B4GALT1: variants seen among roughly 807,000 people sequenced by gnomAD.
B4GALT1 encodes the protein N-acetyllactosamine synthase.
Under a neutral mutation model 34.9 loss-of-function variants are expected in B4GALT1, and 16 were observed. The observed-to-expected ratio is 0.46, with a 90% CI of 0.31 to 0.70. The LOEUF (loss-of-function observed/expected upper bound fraction) is 0.70, where lower values mean the gene tolerates loss of function less well. Ranked by LOEUF, B4GALT1 falls within the 30% of genes least tolerant of loss-of-function variation. B4GALT1 has a pLI of 0.05. For synonymous variants in B4GALT1, 221 were observed against 218.1 expected (o/e 1.01, Z -0.12); for missense variants, 445 against 530.5 (o/e 0.84, Z 1.58).
At chr9:33,134,541 T>C (rs1840239380) in intron 2 of B4GALT1, among the ~76,000 whole-genome samples, 1 of 152,256 alleles carries the variant, frequency 6.6e-6, no homozygotes, top group Admixed American at 6.5e-5. Flanking sequence ...TGATTCTCCA[T>C]GCCATGGTGA....
chr9:33,150,767 A>G (rs577948680), intron 1 of B4GALT1, among the ~76,000 whole-genome samples: 2 of 152,382 alleles, frequency 1.3e-5, no homozygotes, highest in Admixed American at 1.3e-4. Context: ...GAATACATCT[A>G]TGTATAAAGC....
chr9:33,183,748 A>G, the B4GALT1 span, among the ~76,000 whole-genome samples: 1 of 151,684 alleles, frequency 6.6e-6, no homozygotes, highest in Non-Finnish European at 1.5e-5. Context: ...TAACCTGCAC[A>G]ATGTGCACAT....
the B4GALT1 span, among the ~76,000 whole-genome samples, chr9:33,178,413 T>C: frequency 1.8e-4 from 28 of 152,298 alleles, no homozygotes; most frequent in African/African-American, 6.5e-4. Flanking sequence ...ACTTCACAAA[T>C]TGATAAGAGA....
the B4GALT1 span, among the ~76,000 whole-genome samples, chr9:33,181,110 T>A: frequency 6.6e-6 from 1 of 152,124 alleles, no homozygotes; most frequent in South Asian, 2.1e-4. Flanking sequence ...AATCTCCACT[T>A]CCTTTACATC....
chr9:33,166,932 C>G lies in B4GALT1; in HGVS notation c.238G>C (p.Gly80Arg). 6.4e-7 allele frequency: 1 copy of G among 1,571,130 alleles called. No homozygotes were observed. The highest frequency in any genetic ancestry group is 8.6e-7 in the Non-Finnish European group (1 of 1,165,612). The change falls in exon 1 of 6, where the codon GGA becomes CGA. Residue 80 changes from glycine to arginine, a missense_variant. Physicochemically the swap from Gly to Arg is moderately radical, Grantham distance 125. Transcript: ENST00000379731. ...AGAGGAGGCGGCGGCCGGGCCCCTC[C>G]GGTCCGGAGCTCCCCGGAGGACTGC... ...IGQSSGELRT[G>R]GARPPPPLGA... is the part of the protein sequence containing the mutation.
chr9:33,127,928 G>T (rs891143521), intron 2 of B4GALT1, among the ~76,000 whole-genome samples: 1 of 152,184 alleles, frequency 6.6e-6, no homozygotes, highest in Non-Finnish European at 1.5e-5. Flanking sequence ...GTCTTGCCTA[G>T]GAGACCCCAG....
chr9:33,121,526 CT>C (rs35406954), intron 2 of B4GALT1, among the ~76,000 whole-genome samples: 15,023 of 130,530 alleles, frequency 0.12, 847 homozygotes, highest in African/African-American at 0.17. Flanking sequence ...CCATGCCCGG[CT>C]TTTTTTTTTT....
intron 1 of B4GALT1, among the ~76,000 whole-genome samples, chr9:33,143,528 T>A (rs769274619): frequency 3.9e-5 from 6 of 152,238 alleles, no homozygotes; most frequent in Non-Finnish European, 7.3e-5. Flanking sequence ...GCAAGAAGAA[T>A]CATCTGCAGA....
chr9:33,127,030 C>T (rs568160436), intron 2 of B4GALT1, among the ~76,000 whole-genome samples: 92 of 152,064 alleles, frequency 6.1e-4, no homozygotes, highest in Non-Finnish European at 1.1e-3. Flanking sequence ...GGCGCGATCT[C>T]GGCTCACTGC....
intron 2 of B4GALT1, among the ~76,000 whole-genome samples, chr9:33,123,277 CAAAAAAAAAAA>C (rs72342632): frequency 1.2e-5 from 1 of 85,708 alleles, no homozygotes; most frequent in Non-Finnish European, 2.0e-5. Flanking sequence ...GACACTGTCT[CAAAAAAAAAAA>C]AAAAAAAAAA....
the B4GALT1 span, among the ~76,000 whole-genome samples, chr9:33,181,370 G>C: frequency 6.0e-5 from 9 of 150,564 alleles, no homozygotes; most frequent in Admixed American, 1.3e-4. Context: ...GTGGCAGTGA[G>C]ATGTGATTGC....
rs1564033760 is a variant in B4GALT1, at chr9:33,111,276, A to AAAAAAAAAAAAAAAAAAC, written c.*2177_*2178insGTTTTTTTTTTTTTTTTT. 19 of 106,010 alleles carry AAAAAAAAAAAAAAAAAAC rather than the reference A, an allele frequency of 1.8e-4. 1 individual carries two copies. Among genetic ancestry groups the AAAAAAAAAAAAAAAAAAC allele is most frequent in the Non-Finnish European group, 3.0e-4 (15 of 49,216 alleles). 6.6% of individuals were successfully genotyped at this position (106,010 alleles called of 1,614,324 possible). A position where few individuals can be genotyped will look rare whatever the true frequency, so the allele number is the denominator to read the frequency against. ...AAAAAAAAAAAAAAAAAAAAAAAAA[A>AAAAAAAAAAAAAAAAAAC]AACAACAAGAAAAGGTAGAGTTTGG... On this transcript the variant is annotated 3_prime_UTR_variant, in exon 6 of 6. Coordinates refer to ENST00000379731, the MANE Select transcript of B4GALT1 (RefSeq NM_001497.4).
chr9:33,120,969 G>A (rs1840013105), intron 2 of B4GALT1, among the ~76,000 whole-genome samples: 1 of 152,122 alleles, frequency 6.6e-6, no homozygotes, highest in African/African-American at 2.4e-5. Flanking sequence ...AGCTCTAAAA[G>A]GAAAGGTGAA....
At chr9:33,126,662 A>ATTGTTAACATTTTTAACT in intron 2 of B4GALT1, among the ~76,000 whole-genome samples, 2 of 45,224 alleles carry the variant, frequency 4.4e-5, no homozygotes, top group Non-Finnish European at 5.9e-5. Context: ...TAACCATAGC[A>ATTGTTAACATTTTTAACT]ATATGGTAGC....
chr9:33,167,427 G>A (rs1055403569), upstream of B4GALT1: 18 of 337,050 alleles, frequency 5.3e-5, no homozygotes, highest in South Asian at 4.1e-4. Context: ...TTTTCTGGAC[G>A]AGGGCGGGAA....
chr9:33,176,384 A>G, the B4GALT1 span, among the ~76,000 whole-genome samples: 1 of 151,976 alleles, frequency 6.6e-6, no homozygotes, highest in Non-Finnish European at 1.5e-5. Flanking sequence ...AAATCTCAAG[A>G]TAAGCCCTTC....
At chr9:33,166,732 C>T in intron 1 of B4GALT1, 26 bp downstream of exon 1, 4 of 1,489,402 alleles carry the variant, frequency 2.7e-6, no homozygotes, top group African/African-American at 1.4e-5. Context: ...CCCAATCCTC[C>T]GACTGGCGCC....
chr9:33,134,426 G>A (rs890319664), intron 2 of B4GALT1, among the ~76,000 whole-genome samples: 4 of 152,202 alleles, frequency 2.6e-5, no homozygotes, highest in Non-Finnish European at 4.4e-5. Flanking sequence ...ATGAATTTAA[G>A]TGTTAGGGGT....
At chr9:33,132,006 C>G (rs147206979) in intron 2 of B4GALT1, among the ~76,000 whole-genome samples, 206 of 151,468 alleles carry the variant, frequency 1.4e-3, no homozygotes, top group African/African-American at 4.8e-3. Flanking sequence ...GAGATTGGAG[C>G]AGATGATAAG....
Sources: allele counts gnomAD v4.1 joint callset (sites outside exome capture counted in the v4.1 genomes callset), GRCh38; gene constraint gnomAD v4.1.1; transcripts MANE v1.5; gene names NCBI Gene and HGNC (gene_info 2026-07-23, HGNC 2026-07-21).